The following CRISP3 variants were observed in gnomAD, a reference collection of about 807,000 sequenced individuals.
The protein encoded by CRISP3 is cysteine rich secretory protein 3.
CRISP3 carries 33 observed loss-of-function variants against 36.1 expected under a neutral mutation model. The ratio of observed to expected loss-of-function variants is 0.91; its 90% CI spans 0.69 to 1.22. The LOEUF (loss-of-function observed/expected upper bound fraction) is 1.22. CRISP3 is among the 50% of genes most tolerant of loss of function. CRISP3 has a pLI of 0.00. For synonymous variants in CRISP3, 117 were observed against 104.6 expected (o/e 1.12, Z -0.72); for missense variants, 330 against 301.2 (o/e 1.10, Z -0.71).
At chr6:49,729,393 C>A (rs1768858308) in intron 7 of CRISP3, among the ~76,000 whole-genome samples, 1 of 152,028 alleles carries the variant, frequency 6.6e-6, no homozygotes, top group Non-Finnish European at 1.5e-5. Flanking sequence ...GTCTTTCTCT[C>A]AGGTCTAGGT....
chr6:49,732,952 A>G (rs1413298646), intron 6 of CRISP3, among the ~76,000 whole-genome samples: 1 of 152,198 alleles, frequency 6.6e-6, no homozygotes, highest in African/African-American at 2.4e-5. Flanking sequence ...GCAAAAGGCA[A>G]TTGAGAGAGG....
chr6:49,741,611 GTTTTTTT>G (rs375461364), intron 1 of CRISP3, among the ~76,000 whole-genome samples: 62 of 113,014 alleles, frequency 5.5e-4, no homozygotes, highest in Middle Eastern at 0.018. Context: ...CCTGTATGTA[GTTTTTTT>G]TTTTTTTTTT....
rs964083849 is a variant in CRISP3, at chr6:49,728,587, AG to A, written c.*142del. On this transcript the variant is annotated 3_prime_UTR_variant, in exon 8 of 8. Transcript: ENST00000263045. ...TTTTTGTAAAATAAAAAGCAGATCC[AG>A]AAGAAAAACATTTGAAATCAAATGT... 4.0e-5 allele frequency: 26 copies of A among 656,608 alleles called. No individual in the cohort carries two copies. Among genetic ancestry groups the A allele is most frequent in the African/African-American group, 5.6e-5 (3 of 53,538 alleles). 40.7% of individuals were successfully genotyped at this position (656,608 alleles called of 1,614,324 possible).
At chr6:49,736,335 G>A (rs1171310114) in intron 3 of CRISP3, 56 bp downstream of exon 3, 12 of 1,121,620 alleles carry the variant, frequency 1.1e-5, no homozygotes, top group Admixed American at 1.0e-4. Context: ...GTTGCCAGCC[G>A]CCTACTCCTT....
In CRISP3 at chr6:49,744,372, T is replaced by C; in HGVS notation, c.-5A>G. The stretch of plus-strand genomic sequence containing the variant: ...AGGATGAAGTATTTGTTTCATCTAT[T>C]GACAGAAGGAAGGTGCAGAGAGAGA... On this transcript the variant is annotated 5_prime_UTR_variant, in exon 1 of 8. Coordinates refer to ENST00000263045, the MANE Select transcript of CRISP3 (RefSeq NM_006061.4). 1 of 1,533,246 alleles carries C rather than the reference T, an allele frequency of 6.5e-7. No individual in the cohort carries two copies. Among genetic ancestry groups the C allele is most frequent in the South Asian group, 1.2e-5 (1 of 83,856 alleles). The allele number at this position is 1,533,246 out of a possible 1,614,324, so 95.0% of individuals were successfully genotyped here. A position where few individuals can be genotyped will look rare whatever the true frequency, so the allele number is the denominator to read the frequency against.
intron 1 of CRISP3, among the ~76,000 whole-genome samples, chr6:49,737,745 A>G (rs1249053635): frequency 6.6e-6 from 1 of 152,210 alleles, no homozygotes; most frequent in Non-Finnish European, 1.5e-5. Context: ...CACAATAACA[A>G]TTCAGTAGCT....
chr6:49,729,133 G>T (rs1322307541), intron 7 of CRISP3, among the ~76,000 whole-genome samples: 1 of 152,156 alleles, frequency 6.6e-6, no homozygotes, highest in African/African-American at 2.4e-5. Context: ...TAATTTAAAT[G>T]AATTTCTCTA....
rs115915371 is a variant in CRISP3 at position 49,730,620 on chromosome 6, A to C, written c.649+543T>G. On this transcript the variant is annotated intron_variant, in intron 7 of 7. Coordinates refer to ENST00000263045, the MANE Select transcript of CRISP3 (RefSeq NM_006061.4). ...TAATTACAATGTTATTTCCACAGAC[A>C]CATTTTCATATATGCCAATATGTAA... is the stretch of plus-strand genomic sequence containing the variant. 8.5e-3 allele frequency among the ~76,000 whole-genome samples: 1,296 copies of C among 152,318 alleles called. 19 individuals carry two copies. The highest frequency in any genetic ancestry group is 0.029 in the African/African-American group (1,219 of 41,568).
rs10616289 is a variant in CRISP3 at position 49,741,151 on chromosome 6, C to CA, written c.37+3179dup. 4.1e-3 allele frequency among the ~76,000 whole-genome samples: 558 copies of CA among 135,398 alleles called. 6 individuals are homozygous for CA. Among genetic ancestry groups the CA allele is most frequent in the South Asian group, 0.022 (93 of 4,274 alleles). The allele number at this position is 135,398 out of a possible 152,430, so 88.8% of individuals were successfully genotyped here. A position where few individuals can be genotyped will look rare whatever the true frequency, so the allele number is the denominator to read the frequency against. On this transcript the variant is annotated intron_variant, in intron 1 of 7. Transcript: ENST00000263045. ...AAAAAAACAAACAAAAAAAAACCACCAAAAAAAAAAAAACAAAAAACGAAA... is the reference window on the plus strand; with the variant it reads ...AAAAAAACAAACAAAAAAAAACCACCAAAAAAAAAAAAAACAAAAAACGAAA...
At position 49,733,865 on chromosome 6, in the gene CRISP3, C is replaced by T. The variant is rs73441834; in HGVS notation, c.317-17G>A. 10,622 of 1,610,914 alleles carry T rather than the reference C, an allele frequency of 6.6e-3. 618 individuals are homozygous for T. In the African/African-American group the frequency reaches 0.12, roughly 18 times the overall value. ...ATTTTAGACCTAAGAAGGAACAGAC[C>T]ACTCATGAGGAAAGCAATAAAGCAT... On this transcript the variant is annotated splice_polypyrimidine_tract_variant and intron_variant, in intron 4 of 7. Transcript: ENST00000263045.
rs149841297 is a variant in CRISP3 at position 49,728,284 on chromosome 6, C to A, written c.*446G>T. 6.6e-6 allele frequency: 1 copy of A among 152,382 alleles called. No homozygotes were observed. Among genetic ancestry groups the A allele is most frequent in the African/African-American group, 2.4e-5 (1 of 41,428 alleles). The allele number at this position is 152,382 out of a possible 1,614,324, so 9.4% of individuals were successfully genotyped here. A position where few individuals can be genotyped will look rare whatever the true frequency, so the allele number is the denominator to read the frequency against. On this transcript the variant is annotated 3_prime_UTR_variant, in exon 8 of 8. Coordinates refer to ENST00000263045, the MANE Select transcript of CRISP3 (RefSeq NM_006061.4). Reference sequence around the variant, plus strand: ...AGAATTAAGACAGCATATGGGAAAACGTCTTTGAAGATGCTTAGCCTTAGA... The same window carrying A: ...AGAATTAAGACAGCATATGGGAAAAAGTCTTTGAAGATGCTTAGCCTTAGA...
rs989117430 is a variant in CRISP3 at position 49,732,528 on chromosome 6, GA to G, written c.560+666del. ...TGAGTAGGTCAACTATATTGCTTGA[GA>G]AAAAAAAGTGGACTTTCTGCAGAAA... On this transcript the variant is annotated intron_variant, in intron 6 of 7. Transcript: ENST00000263045. Among the ~76,000 whole-genome samples, 9 of 151,420 alleles carry G rather than the reference GA, an allele frequency of 5.9e-5. 1 individual carries two copies. In the South Asian group the frequency reaches 6.3e-4, roughly 11 times the overall value.
At position 49,735,195 on chromosome 6, in the gene CRISP3, A is replaced by T. The variant is rs542965010; in HGVS notation, c.316+309T>A. ...TATATGACATTAATTGCCAATCATC[A>T]TTTTCTTCCAGGCTGTTGATTTTCT... On this transcript the variant is annotated intron_variant, in intron 4 of 7. Transcript: ENST00000263045. 1.7e-4 allele frequency among the ~76,000 whole-genome samples: 26 copies of T among 152,188 alleles called. No individual in the cohort carries two copies. The East Asian group carries it at 4.8e-3, about 28-fold the overall frequency.
intron 1 of CRISP3, among the ~76,000 whole-genome samples, chr6:49,742,922 A>G (rs1769244519): frequency 6.6e-6 from 1 of 152,208 alleles, no homozygotes; most frequent in Non-Finnish European, 1.5e-5. Flanking sequence ...ATGTGAGTAT[A>G]ATGTGTGCAC....
At chr6:49,736,323 T>C (rs904737733) in intron 3 of CRISP3, 68 bp downstream of exon 3, 11 of 965,874 alleles carry the variant, frequency 1.1e-5, no homozygotes, top group Admixed American at 2.2e-5. Context: ...TAAGAGATAT[T>C]AGTTGCCAGC....
intron 7 of CRISP3, among the ~76,000 whole-genome samples, chr6:49,730,138 G>T (rs1200820015): frequency 1.3e-5 from 2 of 151,936 alleles, no homozygotes; most frequent in African/African-American, 2.4e-5. Flanking sequence ...CTCAATGAAT[G>T]GGTCAACTGC....
chr6:49,735,442 C>G, intron 4 of CRISP3, 62 bp downstream of exon 4: 1 of 1,316,870 alleles, frequency 7.6e-7, no homozygotes, highest in African/African-American at 1.5e-5. Flanking sequence ...AATGCAACAT[C>G]ATAACATGGT....
chr6:49,735,563 G>T lies in CRISP3; in HGVS notation c.257C>A (p.Ala86Asp), dbSNP rs929223929. Residue 86 changes from alanine to aspartate, a missense_variant, in exon 4 of 8, where the codon GCC becomes GAC. Physicochemically the swap from Ala to Asp is moderately radical, Grantham distance 126 (BLOSUM62 -2). Coordinates refer to ENST00000263045, the MANE Select transcript of CRISP3 (RefSeq NM_006061.4). ...MEWNKEAAAN[A>D]QKWANQCNYR... is the part of the protein sequence containing the mutation. Reference sequence around the variant, plus strand: ...ATTGCACTGGTTTGCCCACTTTTGGGCATTTGCTGCAGCCTCTTTGTTCCA... The same window carrying T: ...ATTGCACTGGTTTGCCCACTTTTGGTCATTTGCTGCAGCCTCTTTGTTCCA... 3.1e-6 allele frequency: 5 copies of T among 1,612,302 alleles called. No homozygotes were observed. The highest frequency in any genetic ancestry group is 4.2e-6 in the Non-Finnish European group (5 of 1,179,050).
rs919849174 is a variant in CRISP3, at chr6:49,728,609, A to G, written c.*121T>C. ...TCCAGAAGAAAAACATTTGAAATCA[A>G]ATGTGTATCAAACATGCCTACAATT... On this transcript the variant is annotated 3_prime_UTR_variant, in exon 8 of 8. Transcript: ENST00000263045. 3 of 760,822 alleles carry G rather than the reference A, an allele frequency of 3.9e-6. No homozygotes were observed. The highest frequency in any genetic ancestry group is 6.2e-5 in the Admixed American group (2 of 32,022). The allele number at this position is 760,822 out of a possible 1,614,324, so 47.1% of individuals were successfully genotyped here.
Sources: gnomAD v4.1 joint callset for allele counts (sites outside exome capture counted in the v4.1 genomes callset) on GRCh38, gnomAD v4.1.1 for gene constraint, MANE v1.5 for transcripts, NCBI Gene and HGNC (gene_info 2026-07-23, HGNC 2026-07-21) for gene names.